The following PPP6R1 variants were observed in gnomAD, a reference collection of about 807,000 sequenced individuals.
The protein encoded by PPP6R1 is protein phosphatase 6 regulatory subunit 1.
In PPP6R1, 39 loss-of-function variants were observed where a neutral mutation model predicts 104.6. The ratio of observed to expected loss-of-function variants is 0.37; its 90% confidence interval spans 0.29 to 0.49. The LOEUF is 0.49. Among genes scored for constraint, PPP6R1 ranks in the 20% least tolerant of loss-of-function variants. The probability of loss-of-function intolerance (pLI) is 0.98; values close to 1 mark genes in which losing one functional copy is unlikely to be tolerated. For synonymous variants in PPP6R1, 549 were observed against 479.0 expected, an observed-to-expected ratio of 1.15 and a Z score of -1.91; for missense variants, 1,181 against 1,155.8, an observed-to-expected ratio of 1.02 and a Z score of -0.32.
chr19:55,258,486 C>CA lies in PPP6R1; in HGVS notation c.-59_-58insT, dbSNP rs2087612688. 1 of 149,680 alleles carries CA rather than the reference C, an allele frequency of 6.7e-6. No homozygotes were observed. Among genetic ancestry groups the CA allele is most frequent in the African/African-American group, 2.4e-5 (1 of 41,124 alleles). 9.3% of individuals were successfully genotyped at this position (149,680 alleles called of 1,614,324 possible). A position where few individuals can be genotyped will look rare whatever the true frequency, so the allele number is the denominator to read the frequency against. On this transcript the variant is annotated 5_prime_UTR_variant, in exon 1 of 24. Transcript: ENST00000412770. Reference sequence around the variant, plus strand: ...CACTCGGGGCTCATCGGGGCGCCCCCCCCCGCCCCGCCGCCGGCGGCTCCG... The same window carrying CA: ...CACTCGGGGCTCATCGGGGCGCCCCCACCCCGCCCCGCCGCCGGCGGCTCCG...
chr19:55,254,692 A>C (rs899523898), intron 1 of PPP6R1, among the ~76,000 whole-genome samples: 10 of 152,212 alleles, frequency 6.6e-5, no homozygotes, highest in African/African-American at 2.4e-4. Flanking sequence ...CAGAAGCTCC[A>C]ACGCCTGGCC....
rs756855901 is a variant in PPP6R1, at chr19:55,242,290, A to G, written c.732-11T>C. ...TCAATCGTCTCCTGCCTGCGGGGGC[A>G]GGGGCAGGGGTCAGGGTGAGGGGCC... On this transcript the variant is annotated splice_polypyrimidine_tract_variant and intron_variant, in intron 6 of 23. Transcript: ENST00000412770. 5.6e-6 allele frequency: 9 copies of G among 1,613,516 alleles called. No homozygotes were observed. The East Asian group carries it at 1.1e-4, about 20-fold the overall frequency.
chr19:55,240,641 ACGCT>A (rs539831135), intron 10 of PPP6R1, among the ~76,000 whole-genome samples: 2 of 137,260 alleles, frequency 1.5e-5, no homozygotes, highest in Admixed American at 1.5e-4. Flanking sequence ...GCTCTCACAC[ACGCT>A]TGCACTGACA....
At chr19:55,256,381 C>A (rs1410649176) in intron 1 of PPP6R1, among the ~76,000 whole-genome samples, 1 of 152,262 alleles carries the variant, frequency 6.6e-6, no homozygotes, top group Non-Finnish European at 1.5e-5. Context: ...CCTCCACCTC[C>A]ACTCACCAGA....
chr19:55,256,549 G>T (rs1279832006), intron 1 of PPP6R1, among the ~76,000 whole-genome samples: 3 of 152,228 alleles, frequency 2.0e-5, no homozygotes, highest in Non-Finnish European at 2.9e-5. Context: ...GGTGGTCCAT[G>T]CCTATAATCC....
At position 55,240,287 on chromosome 19, in the gene PPP6R1, C is replaced by A; in HGVS notation, c.1310G>T (p.Cys437Phe). Residue 437 changes from cysteine to phenylalanine, a missense_variant, in exon 11 of 24, where the codon TGC becomes TTC. Physicochemically the swap from Cys to Phe is radical, Grantham distance 205. Coordinates refer to ENST00000412770, the MANE Select transcript of PPP6R1 (RefSeq NM_014931.4). ...CGTCAGGATCCGCTCCACCAGGCGG[C>A]ACTGCTGCAGCAGCTGCGGGAGAGC... ...NPVVKHLLQQ[C>F]RLVERILTSW... The A allele has an allele frequency of 6.3e-7, 1 of 1,592,770 alleles. No individual in the cohort carries two copies. The highest frequency in any genetic ancestry group is 8.5e-7 in the Non-Finnish European group (1 of 1,170,492).
intron 1 of PPP6R1, among the ~76,000 whole-genome samples, chr19:55,253,206 A>G (rs2087567124): frequency 6.6e-6 from 1 of 152,212 alleles, no homozygotes; most frequent in Admixed American, 6.5e-5. Context: ...CATCAAGACC[A>G]AGTAAAGAAT....
rs577125735 is a variant in PPP6R1 at position 55,251,038 on chromosome 19, T to C, written c.-6-3929A>G. Among the ~76,000 whole-genome samples the C allele has an allele frequency of 3.9e-5, 6 of 152,298 alleles. No homozygotes were observed. The East Asian group carries it at 1.2e-3, about 29-fold the overall frequency. Reference sequence around the variant, plus strand: ...GTCTACCCCAGCGACTTTGTCCTAATAACTCACTTTCTCATCCTCAGATCT... The same window carrying C: ...GTCTACCCCAGCGACTTTGTCCTAACAACTCACTTTCTCATCCTCAGATCT... On this transcript the variant is annotated intron_variant, in intron 1 of 23. Coordinates refer to ENST00000412770, the MANE Select transcript of PPP6R1 (RefSeq NM_014931.4).
intron 1 of PPP6R1, among the ~76,000 whole-genome samples, chr19:55,256,598 C>T (rs371419817): frequency 2.6e-5 from 4 of 152,328 alleles, no homozygotes; most frequent in African/African-American, 9.6e-5. Flanking sequence ...CTGCTTGAAC[C>T]CACGAGTTTG....
In PPP6R1 at chr19:55,231,851, G is replaced by A. The variant is rs2122515997; in HGVS notation, c.2257C>T (p.Pro753Ser). 1.3e-6 allele frequency: 2 copies of A among 1,502,594 alleles called. No individual in the cohort carries two copies. The highest frequency in any genetic ancestry group is 1.8e-6 in the Non-Finnish European group (2 of 1,126,712). 93.1% of individuals were successfully genotyped at this position (1,502,594 alleles called of 1,614,324 possible). The change falls in exon 19 of 24, where the codon CCC becomes TCC. Residue 753 changes from proline (P) to serine (S), a missense_variant. Physicochemically the swap from Pro to Ser is moderately conservative, Grantham distance 74 (BLOSUM62 -1). Around this residue, in one of 2 missense-constraint regions of PPP6R1, gnomAD observed 1,042 missense variants for 955.6 expected, o/e 1.09. Coordinates refer to ENST00000412770, the MANE Select transcript of PPP6R1 (RefSeq NM_014931.4). Reference sequence around the variant, plus strand: ...GGAGGGCTGGCCAGGCTCTGAGTGGGGAGGCCCTGGGGCACACTGAGGGGC... The same window carrying A: ...GGAGGGCTGGCCAGGCTCTGAGTGGAGAGGCCCTGGGGCACACTGAGGGGC... ...QGPLSVPQGL[P>S]TQSLASPPAR...
chr19:55,246,838 G>C, intron 2 of PPP6R1, 39 bp downstream of exon 2: 2 of 1,487,426 alleles, frequency 1.3e-6, no homozygotes, highest in Non-Finnish European at 1.8e-6. Context: ...TATGTGTGAT[G>C]CTGATAGGGA....
Position 55,241,153 on chromosome 19 carries a change from G to A in PPP6R1, c.1162-74C>T, listed in dbSNP as rs1177793017. The A allele has an allele frequency of 8.7e-5, 35 of 402,252 alleles. No homozygotes were observed. The highest frequency in any genetic ancestry group is 1.1e-4 in the Non-Finnish European group (30 of 271,050). The allele number at this position is 402,252 out of a possible 1,614,324, so 24.9% of individuals were successfully genotyped here. A position where few individuals can be genotyped will look rare whatever the true frequency, so the allele number is the denominator to read the frequency against. Reference sequence around the variant, plus strand: ...GCCCCCAACCCCTGAGCCCCCAGCCGAGCCCCCACCCCAGCCCCCGAACCC... The same window carrying A: ...GCCCCCAACCCCTGAGCCCCCAGCCAAGCCCCCACCCCAGCCCCCGAACCC... On this transcript the variant is annotated intron_variant, in intron 9 of 23. Coordinates refer to ENST00000412770, the MANE Select transcript of PPP6R1 (RefSeq NM_014931.4). The surrounding 1 kb of genome is among the most constrained non-coding windows in gnomAD (Gnocchi z 5.4).
chr19:55,234,557 G>C (rs557427666), intron 17 of PPP6R1, among the ~76,000 whole-genome samples: 1 of 152,274 alleles, frequency 6.6e-6, no homozygotes, highest in East Asian at 1.9e-4. Flanking sequence ...AAAACTCTTA[G>C]AAGAAAAGAG....
rs781642313 is a variant in PPP6R1 at position 55,230,865 on chromosome 19, T to G, written c.2479A>C (p.Thr827Pro). Residue 827 changes from threonine (T) to proline (P), a missense_variant, in exon 22 of 24, where the codon ACC (threonine) becomes CCC (proline). By Grantham distance (38) the Thr-to-Pro change is conservative (BLOSUM62 -1). This residue lies in a region of PPP6R1 where 1,042 missense variants were observed against 955.6 expected (regional missense o/e 1.09). Transcript: ENST00000412770. ...TGGGCCCCGGAGGCTGGGACAGAGG[T>G]AGAGGGGTCTCTGGTTGCACTGTGG... is the stretch of plus-strand genomic sequence containing the variant. ...SSDSATRDPSTSVPASGAHQP... is the reference protein window; with the variant it reads ...SSDSATRDPSPSVPASGAHQP... 3 of 1,605,734 alleles carry G rather than the reference T, an allele frequency of 1.9e-6. No homozygotes were observed. The highest frequency in any genetic ancestry group is 1.7e-6 in the Non-Finnish European group (2 of 1,179,244).
At chr19:55,242,606 G>A (rs2087468890) in intron 5 of PPP6R1, 118 bp from the exon 6 acceptor site, 3 of 814,446 alleles carry the variant, frequency 3.7e-6, no homozygotes, top group South Asian at 3.0e-5. Flanking sequence ...CCCAGACACA[G>A]GGACACGTGT....
rs898430471 is a variant in PPP6R1, at chr19:55,241,558, G to C, written c.927C>G (p.Ser309Arg). Residue 309 changes from serine (S) to arginine (R), a missense_variant, in exon 8 of 24, where the codon AGC becomes AGG. By Grantham distance (110) the Ser-to-Arg change is moderately radical. Coordinates refer to ENST00000412770, the MANE Select transcript of PPP6R1 (RefSeq NM_014931.4). This position sits in a 1 kb window ranked among gnomAD's most constrained non-coding sequence, Gnocchi z 5.4. ...LELLAQGALE[S>R]TVSSVGALHA... is the part of the protein sequence containing the mutation. ...GCAAGGCGCCCACACTGGACACAGT[G>C]CTTTCCAGGGCCCCCTGGGCCAGGA... 6.3e-7 allele frequency: 1 copy of C among 1,580,088 alleles called. No homozygotes were observed. The highest frequency in any genetic ancestry group is 1.4e-5 in the African/African-American group (1 of 74,016).
intron 1 of PPP6R1, 64 bp from the exon 2 acceptor site, chr19:55,247,173 A>G (rs1600114173): frequency 6.6e-7 from 1 of 1,525,300 alleles, no homozygotes; most frequent in South Asian, 1.1e-5. Flanking sequence ...TGGACGAGGC[A>G]CTGACCACAG....
In PPP6R1 at chr19:55,259,008, T is replaced by G. The variant is rs1048755524; in HGVS notation, c.-580A>C. On this transcript the variant is annotated 5_prime_UTR_variant, in exon 1 of 24. Coordinates refer to ENST00000412770, the MANE Select transcript of PPP6R1 (RefSeq NM_014931.4). ...CGACGCCCGGCTCCCTCCGCCACTA[T>G]CCCACAATCCCCCTAGCGCAGGACG... 1 of 151,840 alleles carries G rather than the reference T, an allele frequency of 6.6e-6. No homozygotes were observed. The highest frequency in any genetic ancestry group is 2.4e-5 in the African/African-American group (1 of 41,340). 9.4% of individuals were successfully genotyped at this position (151,840 alleles called of 1,614,324 possible).
intron 17 of PPP6R1, chr19:55,232,427 T>C (rs2087358114): frequency 1.6e-6 from 1 of 641,118 alleles, no homozygotes; most frequent in African/African-American, 1.9e-5. Flanking sequence ...AGGGACAGAA[T>C]GCGGCCGTAA....
Sources: allele counts gnomAD v4.1 joint callset (sites outside exome capture counted in the v4.1 genomes callset), GRCh38; gene constraint gnomAD v4.1.1; regional missense constraint gnomAD v4.1.1; non-coding constraint Gnocchi (gnomAD v3.1); transcripts MANE v1.5; gene names NCBI Gene and HGNC (gene_info 2026-07-23, HGNC 2026-07-21).